Variants in UHRF1 observed in about 807,000 individuals in gnomAD.
UHRF1 encodes the protein ubiquitin like with PHD and ring finger domains 1.
UHRF1 carries 9 observed loss-of-function variants against 96.5 expected under a neutral mutation model. That is an observed-to-expected ratio of 0.09 (90% CI 0.06 to 0.16). The LOEUF (loss-of-function observed/expected upper bound fraction) is 0.16, where lower values mean the gene tolerates loss of function less well. Ranked by LOEUF, UHRF1 falls within the 10% of genes least tolerant of loss-of-function variation. The probability of loss-of-function intolerance (pLI) is 1.00; values close to 1 mark genes in which losing one functional copy is unlikely to be tolerated. For missense variants in UHRF1, 626 were observed against 1,131.1 expected, an observed-to-expected ratio of 0.55 and a Z score of 6.40; for synonymous variants, 455 against 469.9, an observed-to-expected ratio of 0.97 and a Z score of 0.41.
chr19:4,926,888 C>T (rs2032889205), intron 2 of UHRF1, among the ~76,000 whole-genome samples: 2 of 152,080 alleles, frequency 1.3e-5, no homozygotes, highest in South Asian at 4.1e-4. Flanking sequence ...CATGGTGAAA[C>T]CCCACCTCTA....
intron 2 of UHRF1, among the ~76,000 whole-genome samples, chr19:4,919,083 G>A (rs952924559): frequency 4.0e-5 from 6 of 148,290 alleles, no homozygotes; most frequent in African/African-American, 7.5e-5. Context: ...GGAGTGCAGC[G>A]GCGCGATCTC....
At chr19:4,933,519 G>A (rs920631095) in intron 5 of UHRF1, among the ~76,000 whole-genome samples, 1 of 152,126 alleles carries the variant, frequency 6.6e-6, no homozygotes, top group African/African-American at 2.4e-5. Context: ...CTGGCCTCAA[G>A]CTTTCTTTTT....
chr19:4,949,475 C>G (rs2033660170), intron 11 of UHRF1, among the ~76,000 whole-genome samples: 1 of 86,590 alleles, frequency 1.2e-5, no homozygotes, highest in Non-Finnish European at 2.5e-5. Flanking sequence ...GGCACATAGA[C>G]ACACACACAC....
upstream of UHRF1, chr19:4,909,370 G>A (rs567648944): frequency 5.5e-5 from 34 of 614,082 alleles, no homozygotes; most frequent in South Asian, 5.5e-4. Context: ...GGACAGAGGC[G>A]GGGGCGCCCC....
At chr19:4,938,242 C>T (rs904627746) in intron 5 of UHRF1, among the ~76,000 whole-genome samples, 3 of 151,932 alleles carry the variant, frequency 2.0e-5, no homozygotes, top group Non-Finnish European at 4.4e-5. Context: ...TGAATTTCTT[C>T]TATGCTTATG....
In UHRF1 at chr19:4,954,816, C is replaced by T. The variant is rs765836490; in HGVS notation, c.2124C>T (p.Gly708=). The change falls in exon 15 of 17, where the codon GGC becomes GGT. Residue 708 remains glycine (G), a synonymous_variant. Transcript: ENST00000650932. This position sits in a 1 kb window ranked among gnomAD's most constrained non-coding sequence, Gnocchi z 5.9. ...LASLKDRPAS[G]SPFQLFLSKV... ...CACTCAAGGACCGGCCGGCGAGCGG[C>T]AGCCCGGTAGGCTCGCACGGCTCAC... is the stretch of plus-strand genomic sequence containing the variant. 1 of 1,613,652 alleles carries T rather than the reference C, an allele frequency of 6.2e-7. No homozygotes were observed. The highest frequency in any genetic ancestry group is 1.1e-5 in the South Asian group (1 of 91,062).
intron 5 of UHRF1, among the ~76,000 whole-genome samples, chr19:4,938,730 G>GGTTTTTTTTTTTTTTTTTT (rs1568421924): frequency 3.2e-5 from 2 of 61,586 alleles, no homozygotes; most frequent in Non-Finnish European, 5.9e-5. Context: ...TTTTGGTCAG[G>GGTTTTTTTTTTTTTTTTTT]TTTTTTTTTT....
chr19:4,927,532 G>A (rs999361860), intron 2 of UHRF1, among the ~76,000 whole-genome samples: 1 of 152,172 alleles, frequency 6.6e-6, no homozygotes, highest in African/African-American at 2.4e-5. Flanking sequence ...TTGAACAGCC[G>A]TCAGGCCTTG....
chr19:4,932,966 G>A lies in UHRF1; in HGVS notation c.785+10G>A, dbSNP rs530169353. ...CCAACGTGGTGCTGGGGTGAGCCTC[G>A]CGTCCTGGGGCGAGCCCTTCCTCTC... On this transcript the variant is annotated intron_variant, in intron 5 of 16. Coordinates refer to ENST00000650932, the MANE Select transcript of UHRF1 (RefSeq NM_001048201.3). The A allele has an allele frequency of 3.1e-6, 5 of 1,591,232 alleles. No homozygotes were observed. Among genetic ancestry groups the A allele is most frequent in the South Asian group, 2.2e-5 (2 of 89,164 alleles).
In UHRF1 at chr19:4,957,410, G is replaced by A. The variant is rs770302275; in HGVS notation, c.2235+597G>A. Among the ~76,000 whole-genome samples, 99 of 137,968 alleles carry A rather than the reference G, an allele frequency of 7.2e-4. 1 individual carries two copies. Among genetic ancestry groups the A allele is most frequent in the Middle Eastern group, 3.8e-3 (1 of 262 alleles). 90.5% of individuals were successfully genotyped at this position (137,968 alleles called of 152,430 possible). ...TGCAAGCTCTGCCTCCCGGGTTCACGCCATTCTCCCACCTCAGCCTCCCGA... is the reference window on the plus strand; with the variant it reads ...TGCAAGCTCTGCCTCCCGGGTTCACACCATTCTCCCACCTCAGCCTCCCGA... On this transcript the variant is annotated intron_variant, in intron 16 of 16. Transcript: ENST00000650932.
At chr19:4,929,919 G>T (rs1393429033) in intron 3 of UHRF1, among the ~76,000 whole-genome samples, 1 of 152,064 alleles carries the variant, frequency 6.6e-6, no homozygotes, top group African/African-American at 2.4e-5. Flanking sequence ...TCCCACCTCA[G>T]CCTCCTGAGT....
intron 2 of UHRF1, among the ~76,000 whole-genome samples, chr19:4,912,119 C>T (rs1449127287): frequency 2.0e-5 from 3 of 152,124 alleles, no homozygotes; most frequent in Non-Finnish European, 4.4e-5. Context: ...CCGTAAGAGA[C>T]GTGATGACTT....
At chr19:4,922,874 C>T (rs1437748684) in intron 2 of UHRF1, among the ~76,000 whole-genome samples, 1 of 152,236 alleles carries the variant, frequency 6.6e-6, no homozygotes, top group Non-Finnish European at 1.5e-5. Context: ...TCCTACGTAG[C>T]CCACGCTAAG....
At chr19:4,916,324 A>G (rs950716456) in intron 2 of UHRF1, among the ~76,000 whole-genome samples, 19 of 151,946 alleles carry the variant, frequency 1.3e-4, no homozygotes, top group Admixed American at 2.0e-4. Flanking sequence ...AAAAAACCAA[A>G]TAAATTGAAA....
intron 2 of UHRF1, among the ~76,000 whole-genome samples, chr19:4,925,812 G>A (rs143193431): frequency 4.5e-4 from 68 of 151,290 alleles, no homozygotes; most frequent in African/African-American, 1.5e-3. Context: ...GTGAGCCACC[G>A]CACGCGGCCT....
chr19:4,904,327 C>T (rs952126308), intron 1 of UHRF1, among the ~76,000 whole-genome samples: 13 of 152,034 alleles, frequency 8.6e-5, no homozygotes, highest in Admixed American at 2.6e-4. Context: ...TACAGGCGTC[C>T]GCCACAAATG....
chr19:4,936,236 A>G lies in UHRF1; in HGVS notation c.785+3280A>G, dbSNP rs182344713. On this transcript the variant is annotated intron_variant, in intron 5 of 16. Transcript: ENST00000650932. ...ACGCTGAGCCGAGTTGTGCCTCGCA[A>G]TGAGTTTGTGATGTGTGCCCATCGT... Among the ~76,000 whole-genome samples the G allele has an allele frequency of 1.7e-3, 260 of 152,254 alleles. 2 individuals are homozygous for G. Among genetic ancestry groups the G allele is most frequent in the African/African-American group, 5.7e-3 (235 of 41,550 alleles).
intron 2 of UHRF1, among the ~76,000 whole-genome samples, chr19:4,915,416 T>G (rs1340853495): frequency 6.6e-6 from 1 of 152,130 alleles, no homozygotes; most frequent in African/African-American, 2.4e-5. Flanking sequence ...AAAACTTGAT[T>G]TATAAAAACA....
intron 2 of UHRF1, among the ~76,000 whole-genome samples, chr19:4,919,496 G>A (rs2032632357): frequency 6.6e-6 from 1 of 151,846 alleles, no homozygotes; most frequent in Admixed American, 6.6e-5. Context: ...TAGAGATGGA[G>A]TTTCACTGTG....
Sources: gnomAD v4.1 joint callset for allele counts (sites outside exome capture counted in the v4.1 genomes callset) on GRCh38, gnomAD v4.1.1 for gene constraint, Gnocchi (gnomAD v3.1) non-coding constraint, MANE v1.5 for transcripts, NCBI Gene and HGNC (gene_info 2026-07-23, HGNC 2026-07-21) for gene names.